The following RBBP5 variants were observed in gnomAD, a reference collection of about 807,000 sequenced individuals.
RBBP5 encodes the protein RB binding protein 5, histone lysine methyltransferase complex subunit.
RBBP5 carries 5 observed loss-of-function variants against 72.2 expected under a neutral mutation model. The observed-to-expected ratio is 0.07, with a 90% CI of 0.04 to 0.15. The LOEUF (loss-of-function observed/expected upper bound fraction) is 0.15, where lower values mean the gene tolerates loss of function less well. RBBP5 is among the 10% of genes least tolerant of loss of function. RBBP5 has a pLI of 1.00. For synonymous variants in RBBP5, 209 were observed against 237.2 expected (o/e 0.88, Z 1.09); for missense variants, 322 against 652.2 (o/e 0.49, Z 5.51).
intron 13 of RBBP5, among the ~76,000 whole-genome samples, chr1:205,092,245 T>C (rs2102251489): frequency 6.6e-6 from 1 of 152,252 alleles, no homozygotes; most frequent in East Asian, 1.9e-4. Context: ...TAAAGCCAGA[T>C]GTAATCCTTC....
intron 3 of RBBP5, among the ~76,000 whole-genome samples, chr1:205,107,064 G>T (rs1201981290): frequency 2.9e-5 from 4 of 137,480 alleles, no homozygotes; most frequent in Non-Finnish European, 6.4e-5. Context: ...GTATGTGTGT[G>T]TGTGTGTATA....
At chr1:205,098,398 T>C (rs1171273263) in intron 10 of RBBP5, among the ~76,000 whole-genome samples, 1 of 152,222 alleles carries the variant, frequency 6.6e-6, no homozygotes, top group Non-Finnish European at 1.5e-5. Context: ...CTTAGTCATC[T>C]GCAATTAATC....
Position 205,099,460 on chromosome 1 carries a change from T to A in RBBP5, c.978+281A>T, listed in dbSNP as rs1655739283. Among the ~76,000 whole-genome samples the A allele has an allele frequency of 6.6e-6, 1 of 152,016 alleles. No homozygotes were observed. The highest frequency in any genetic ancestry group is 2.1e-4 in the South Asian group (1 of 4,830). ...TGTAAAACAGAAACTGAGCTGAAAGTAAGAAAAGCAAAAGAAAAATGTTAT... is the reference window on the plus strand; with the variant it reads ...TGTAAAACAGAAACTGAGCTGAAAGAAAGAAAAGCAAAAGAAAAATGTTAT... On this transcript the variant is annotated intron_variant, in intron 9 of 13. Coordinates refer to ENST00000264515, the MANE Select transcript of RBBP5 (RefSeq NM_005057.4). The surrounding 1 kb of genome is among the most constrained non-coding windows in gnomAD (Gnocchi z 4.7).
At chr1:205,094,298 A>G (rs1655528485) in intron 13 of RBBP5, among the ~76,000 whole-genome samples, 1 of 152,180 alleles carries the variant, frequency 6.6e-6, no homozygotes, top group Non-Finnish European at 1.5e-5. Flanking sequence ...AACAAACCCC[A>G]TCTTCTTCCT....
intron 3 of RBBP5, among the ~76,000 whole-genome samples, chr1:205,109,913 GCT>G: frequency 6.6e-6 from 1 of 152,038 alleles, no homozygotes; most frequent in South Asian, 2.1e-4. Context: ...CTCTCAGATA[GCT>G]CTCTCCTGGG....
chr1:205,120,652 C>A (rs200672304), intron 1 of RBBP5, among the ~76,000 whole-genome samples: 7 of 152,028 alleles, frequency 4.6e-5, no homozygotes, highest in African/African-American at 1.7e-4. Flanking sequence ...CATGGCAGTG[C>A]GCACCTGTAG....
intron 1 of RBBP5, chr1:205,116,274 A>G (rs1656515799): frequency 2.6e-6 from 1 of 379,432 alleles, no homozygotes; most frequent in Admixed American, 3.6e-5. Flanking sequence ...CATGTAATGG[A>G]TTTATTATGG....
intron 3 of RBBP5, among the ~76,000 whole-genome samples, chr1:205,107,780 T>C (rs1656132738): frequency 6.6e-6 from 1 of 151,910 alleles, no homozygotes; most frequent in Non-Finnish European, 1.5e-5. Flanking sequence ...AACCCGTCTC[T>C]ACTAAAAATA....
chr1:205,107,384 G>A (rs1341747283), intron 3 of RBBP5, among the ~76,000 whole-genome samples: 1 of 151,990 alleles, frequency 6.6e-6, no homozygotes, highest in East Asian at 1.9e-4. Flanking sequence ...GAAAAATGAT[G>A]CCTTATCTAT....
intron 6 of RBBP5, 122 bp from the exon 7 acceptor site, chr1:205,100,393 A>G (rs899984557): frequency 3.8e-5 from 47 of 1,227,526 alleles, no homozygotes; most frequent in Non-Finnish European, 4.7e-5. Flanking sequence ...GAATATTTAT[A>G]TATCTACTTG....
chr1:205,103,894 C>T lies in RBBP5; in HGVS notation c.485G>A (p.Arg162Gln), dbSNP rs1408623697. The T allele has an allele frequency of 1.9e-6, 3 of 1,614,084 alleles. No individual in the cohort carries two copies. Among genetic ancestry groups the T allele is most frequent in the South Asian group, 1.1e-5 (1 of 91,068 alleles). ...DLNVVASFDR[R>Q]GEYIYTGNAK... Reference sequence around the variant, plus strand: ...GTTTCCCGTATAAATATATTCCCCTCGCCTATCAAAAGATGCCACAACGTT... The same window carrying T: ...GTTTCCCGTATAAATATATTCCCCTTGCCTATCAAAAGATGCCACAACGTT... The change falls in exon 5 of 14, where the codon CGA becomes CAA. Residue 162 changes from arginine (R) to glutamine (Q), a missense_variant. Arg to Gln is a conservative substitution (Grantham distance 43). Around this residue, in one of 6 missense-constraint regions of RBBP5, gnomAD observed 161 missense variants for 327.8 expected, o/e 0.49. Transcript: ENST00000264515.
chr1:205,115,277 T>C (rs1656476746), intron 2 of RBBP5, among the ~76,000 whole-genome samples: 1 of 152,148 alleles, frequency 6.6e-6, no homozygotes, highest in African/African-American at 2.4e-5. Context: ...GATGCAGTCA[T>C]TGTAATTCTG....
chr1:205,088,434 A>G lies in RBBP5; in HGVS notation c.*353T>C, dbSNP rs1655211509. On this transcript the variant is annotated 3_prime_UTR_variant, in exon 14 of 14. Transcript: ENST00000264515. Reference sequence around the variant, plus strand: ...AGGCAAATGGGAGATAGGAAATGACATGTCAAAATGACGCTGGGTACAATG... The same window carrying G: ...AGGCAAATGGGAGATAGGAAATGACGTGTCAAAATGACGCTGGGTACAATG... 1 of 215,188 alleles carries G rather than the reference A, an allele frequency of 4.6e-6. No homozygotes were observed. Among genetic ancestry groups the G allele is most frequent in the Non-Finnish European group, 9.2e-6 (1 of 108,992 alleles). 13.3% of individuals were successfully genotyped at this position (215,188 alleles called of 1,614,324 possible). A position where few individuals can be genotyped will look rare whatever the true frequency, so the allele number is the denominator to read the frequency against.
At chr1:205,116,314 T>G in intron 1 of RBBP5, 1 of 376,936 alleles carries the variant, frequency 2.7e-6, no homozygotes, top group Non-Finnish European at 5.4e-6. Flanking sequence ...TTTAAAAATA[T>G]TATCTCAGTT....
At position 205,103,844 on chromosome 1, in the gene RBBP5, C is replaced by CTTTTAT; in HGVS notation, c.522+12_522+13insATAAAA. The CTTTTAT allele has an allele frequency of 6.2e-7, 1 of 1,606,782 alleles. No individual in the cohort carries two copies. Among genetic ancestry groups the CTTTTAT allele is most frequent in the Non-Finnish European group, 8.5e-7 (1 of 1,173,738 alleles). ...GTGTACAAGATGCCTGATTTGCCAG[C>CTTTTAT]TTTTAGGCTTACCTTGCCTTTTGCG... is the stretch of plus-strand genomic sequence containing the variant. On this transcript the variant is annotated intron_variant, in intron 5 of 13. Transcript: ENST00000264515.
At chr1:205,088,870 T>G in intron 13 of RBBP5, 55 bp from the exon 14 acceptor site, 1 of 1,469,706 alleles carries the variant, frequency 6.8e-7, no homozygotes, top group Non-Finnish European at 9.3e-7. Flanking sequence ...GACCAGTTAC[T>G]TGTAAGAACA....
intron 6 of RBBP5, among the ~76,000 whole-genome samples, 168 bp from the exon 7 acceptor site, chr1:205,100,439 A>C (rs549254882): frequency 6.6e-6 from 1 of 152,202 alleles, no homozygotes; most frequent in Admixed American, 6.5e-5. Context: ...TTAAGTGGGA[A>C]TATGTTTTAT....
chr1:205,093,414 G>A lies in RBBP5; in HGVS notation c.1588+1459C>T, dbSNP rs375377733. 7.2e-5 allele frequency among the ~76,000 whole-genome samples: 10 copies of A among 139,348 alleles called. No homozygotes were observed. In the East Asian group the frequency reaches 1.9e-3, roughly 27 times the overall value. 91.4% of individuals were successfully genotyped at this position (139,348 alleles called of 152,430 possible). A position where few individuals can be genotyped will look rare whatever the true frequency, so the allele number is the denominator to read the frequency against. ...GCAGAGGTTGCAGTGAGCTGAGATCGCACCACTGCAATTCAGCCTGGGGAC... is the reference window on the plus strand; with the variant it reads ...GCAGAGGTTGCAGTGAGCTGAGATCACACCACTGCAATTCAGCCTGGGGAC... On this transcript the variant is annotated intron_variant, in intron 13 of 13. Coordinates refer to ENST00000264515, the MANE Select transcript of RBBP5 (RefSeq NM_005057.4).
intron 3 of RBBP5, among the ~76,000 whole-genome samples, chr1:205,112,837 A>C (rs1656370593): frequency 6.6e-6 from 1 of 152,200 alleles, no homozygotes; most frequent in African/African-American, 2.4e-5. Context: ...CATATCTAGA[A>C]ACTGGGCAGA....
Sources: allele counts gnomAD v4.1 joint callset (sites outside exome capture counted in the v4.1 genomes callset), GRCh38; gene constraint gnomAD v4.1.1; regional missense constraint gnomAD v4.1.1; non-coding constraint Gnocchi (gnomAD v3.1); transcripts MANE v1.5; gene names NCBI Gene and HGNC (gene_info 2026-07-23, HGNC 2026-07-21).